Variants in HADH observed in about 807,000 individuals in gnomAD.
HADH encodes the protein hydroxyacyl-coenzyme A dehydrogenase, mitochondrial.
A neutral mutation model predicts 32.2 loss-of-function variants in HADH; 24 were observed. The ratio of observed to expected loss-of-function variants is 0.75; its 90% CI spans 0.54 to 1.05. The LOEUF (loss-of-function observed/expected upper bound fraction) is 1.05, where lower values mean the gene tolerates loss of function less well. HADH is among the 50% of genes least tolerant of loss of function. HADH has a pLI of 0.00. For missense variants in HADH, 350 were observed against 397.1 expected (o/e 0.88, Z 1.01); for synonymous variants, 139 against 152.5 (o/e 0.91, Z 0.65).
At chr4:108,004,847 C>T (rs1328269618) in intron 1 of HADH, 22 of 1,535,460 alleles carry the variant, frequency 1.4e-5, no homozygotes, top group African/African-American at 6.9e-5. Flanking sequence ...CATGACCCTG[C>T]GGAGATGTTA....
intron 4 of HADH, 42 bp from the exon 5 acceptor site, chr4:108,023,432 T>C (rs1239474552): frequency 1.7e-6 from 2 of 1,190,252 alleles, no homozygotes; most frequent in Non-Finnish European, 2.5e-6. Context: ...CCGAAGTTGC[T>C]TGCTGACACT....
At chr4:108,002,334 T>C (rs1188781830) in intron 1 of HADH, among the ~76,000 whole-genome samples, 1 of 152,140 alleles carries the variant, frequency 6.6e-6, no homozygotes, top group Admixed American at 6.5e-5. Flanking sequence ...CATAGGAGCA[T>C]GAATCCTATT....
intron 3 of HADH, among the ~76,000 whole-genome samples, chr4:108,017,414 A>G (rs1021653243): frequency 2.0e-5 from 3 of 152,134 alleles, no homozygotes; most frequent in Non-Finnish European, 4.4e-5. Flanking sequence ...GTCTGGGGCC[A>G]TTGCTAATAA....
intron 1 of HADH, among the ~76,000 whole-genome samples, chr4:107,998,059 A>G (rs1735008402): frequency 6.6e-6 from 1 of 152,206 alleles, no homozygotes; most frequent in Admixed American, 6.5e-5. Context: ...TATTCAGTCA[A>G]CATTCCCTGA....
chr4:107,994,893 C>T (rs1002160116), intron 1 of HADH, among the ~76,000 whole-genome samples: 1 of 152,160 alleles, frequency 6.6e-6, no homozygotes, highest in Non-Finnish European at 1.5e-5. Flanking sequence ...AGAGGTAGGG[C>T]TCACAGGCAA....
chr4:108,023,737 G>A, intron 5 of HADH, 174 bp downstream of exon 5: 2 of 650,386 alleles, frequency 3.1e-6, no homozygotes, highest in South Asian at 3.3e-5. Flanking sequence ...TGTAGACAGG[G>A]AAACTGGACT....
chr4:108,014,479 A>C lies in HADH; in HGVS notation c.310A>C (p.Thr104Pro). ...EKTLSTIATSTDAASVVHSTD... is the reference protein window; with the variant it reads ...EKTLSTIATSPDAASVVHSTD... ...GACCCTGAGCACCATAGCGACCAGC[A>C]CGGATGCAGCCTCCGTTGTCCACAG... The change falls in exon 3 of 8, where the codon ACG (threonine) becomes CCG (proline). Residue 104 changes from threonine (T) to proline (P), a missense_variant. By Grantham distance (38) the Thr-to-Pro change is conservative. Transcript: ENST00000309522. 6.2e-7 allele frequency: 1 copy of C among 1,614,194 alleles called. No individual in the cohort carries two copies. The highest frequency in any genetic ancestry group is 8.5e-7 in the Non-Finnish European group (1 of 1,180,030).
chr4:107,994,066 G>T (rs1161525957), intron 1 of HADH, among the ~76,000 whole-genome samples: 3 of 152,164 alleles, frequency 2.0e-5, no homozygotes. Flanking sequence ...TTACTTGTGA[G>T]GAGCCAGTGG....
Position 108,011,418 on chromosome 4 carries a change from G to A in HADH, c.261+1531G>A, listed in dbSNP as rs142824041. On this transcript the variant is annotated intron_variant, in intron 2 of 7. Coordinates refer to ENST00000309522, the MANE Select transcript of HADH (RefSeq NM_005327.7). ...CTTACATGGCAGCAGGCAAGAGGGA[G>A]AGCATGTGCAGGGGAACTGTCCTTT... Among the ~76,000 whole-genome samples, 8 of 152,296 alleles carry A rather than the reference G, an allele frequency of 5.3e-5. No individual in the cohort carries two copies. The East Asian group carries it at 1.5e-3, about 29-fold the overall frequency.
intron 3 of HADH, among the ~76,000 whole-genome samples, chr4:108,018,326 T>C (rs1735761475): frequency 6.6e-6 from 1 of 152,166 alleles, no homozygotes; most frequent in African/African-American, 2.4e-5. Flanking sequence ...GAGGATCTTT[T>C]TTTCATTACC....
At chr4:108,033,683 A>T (rs1451412474) in intron 7 of HADH, among the ~76,000 whole-genome samples, 1 of 152,256 alleles carries the variant, frequency 6.6e-6, no homozygotes, top group Non-Finnish European at 1.5e-5. Flanking sequence ...TGCAAGCAAG[A>T]TACACATCCA....
intron 1 of HADH, among the ~76,000 whole-genome samples, chr4:107,997,952 T>C (rs1437283620): frequency 9.9e-5 from 15 of 152,210 alleles, no homozygotes; most frequent in Non-Finnish European, 1.5e-5. Context: ...TCTGTAGTTA[T>C]TTTCTAAATA....
chr4:107,998,564 T>C (rs7688183), intron 1 of HADH, among the ~76,000 whole-genome samples: 131,662 of 151,944 alleles, frequency 0.87, 57,924 homozygotes, highest in East Asian at 0.97. Context: ...AAGTGTGAGC[T>C]ACCGCGCCCG....
chr4:107,993,070 C>T lies in HADH; in HGVS notation c.132+3006C>T, dbSNP rs561261391. Among the ~76,000 whole-genome samples, 11 of 152,304 alleles carry T rather than the reference C, an allele frequency of 7.2e-5. No individual in the cohort carries two copies. The South Asian group carries it at 1.9e-3, about 26-fold the overall frequency. The stretch of plus-strand genomic sequence containing the variant: ...GGTGGAGGTTGCAGTGAGCCGAGAT[C>T]GCACCACTGCACTGTAGCCTGGGCA... On this transcript the variant is annotated intron_variant, in intron 1 of 7. Coordinates refer to ENST00000309522, the MANE Select transcript of HADH (RefSeq NM_005327.7).
At chr4:108,007,661 A>G (rs1024097462) in intron 1 of HADH, among the ~76,000 whole-genome samples, 10 of 152,226 alleles carry the variant, frequency 6.6e-5, no homozygotes, top group Non-Finnish European at 1.0e-4. Context: ...TCTTGAGTCC[A>G]TCTCTGTTAT....
intron 4 of HADH, among the ~76,000 whole-genome samples, chr4:108,021,125 C>T (rs1229912012): frequency 6.6e-6 from 1 of 152,182 alleles, no homozygotes; most frequent in Admixed American, 6.5e-5. Context: ...GAAGAAACAG[C>T]ATTTAACAGC....
chr4:108,009,977 CTTT>C (rs11388783), intron 2 of HADH, 90 bp downstream of exon 2: 374 of 551,172 alleles, frequency 6.8e-4, no homozygotes, highest in Middle Eastern at 1.4e-3. Context: ...TTCTTTCTTT[CTTT>C]TTTTTTTTTT....
At chr4:107,998,756 C>G (rs1735029439) in intron 1 of HADH, among the ~76,000 whole-genome samples, 1 of 151,924 alleles carries the variant, frequency 6.6e-6, no homozygotes, top group African/African-American at 2.4e-5. Flanking sequence ...AATAGCCATC[C>G]TAATGGGTAT....
chr4:107,995,480 GTT>G (rs1187843788), intron 1 of HADH, among the ~76,000 whole-genome samples: 2 of 152,160 alleles, frequency 1.3e-5, no homozygotes, highest in Non-Finnish European at 1.5e-5. Flanking sequence ...TGTCGGAAGA[GTT>G]TTGATATAGG....
Sources: allele counts gnomAD v4.1 joint callset (sites outside exome capture counted in the v4.1 genomes callset), GRCh38; gene constraint gnomAD v4.1.1; transcripts MANE v1.5; gene names NCBI Gene and HGNC (gene_info 2026-07-23, HGNC 2026-07-21).